ASRGL1: variants seen among roughly 807,000 people sequenced by gnomAD.
ASRGL1 encodes asparaginase and isoaspartyl peptidase 1.
A neutral mutation model predicts 22.4 loss-of-function variants in ASRGL1; 16 were observed. That is an observed-to-expected ratio of 0.71 (90% CI 0.48 to 1.08). ASRGL1 has a LOEUF of 1.08. Ranked by LOEUF, ASRGL1 falls within the 50% of genes least tolerant of loss-of-function variation. The probability of loss-of-function intolerance (pLI) is 0.00; values close to 1 mark genes in which losing one functional copy is unlikely to be tolerated. For missense variants in ASRGL1, 412 were observed against 410.1 expected (o/e 1.00, Z -0.04); for synonymous variants, 165 against 159.3 (o/e 1.04, Z -0.27).
intron 4 of ASRGL1, among the ~76,000 whole-genome samples, chr11:62,378,299 T>C (rs958798089): frequency 2.0e-5 from 3 of 152,204 alleles, no homozygotes; most frequent in Non-Finnish European, 4.4e-5. Context: ...TGCAGAAATG[T>C]ATAACAGTTA....
In ASRGL1 at chr11:62,346,727, T is replaced by G. The variant is rs1191018501; in HGVS notation, c.190+8560T>G. Among the ~76,000 whole-genome samples the G allele has an allele frequency of 3.3e-5, 5 of 152,170 alleles. No individual in the cohort carries two copies. In the East Asian group the frequency reaches 9.6e-4, roughly 29 times the overall value. On this transcript the variant is annotated intron_variant, in intron 2 of 6. Coordinates refer to ENST00000415229, the MANE Select transcript of ASRGL1 (RefSeq NM_001083926.2). ...ACTCACACCTGTAATCCCAGCACTT[T>G]GGGAGGCCGAGGCAGGCAGATCACC...
downstream of ASRGL1, among the ~76,000 whole-genome samples, chr11:62,393,998 G>A (rs1947396703): frequency 7.0e-6 from 1 of 143,738 alleles, no homozygotes; most frequent in African/African-American, 2.6e-5. Flanking sequence ...CACCATATTA[G>A]ATATAATTTA....
At chr11:62,356,502 T>G (rs1565158371) in intron 3 of ASRGL1, 35 bp downstream of exon 3, 1 of 1,606,204 alleles carries the variant, frequency 6.2e-7, no homozygotes. Context: ...TCCTAATGAA[T>G]TGTTATTGTT....
intron 2 of ASRGL1, among the ~76,000 whole-genome samples, chr11:62,339,029 G>C (rs1945803039): frequency 6.6e-6 from 1 of 151,880 alleles, no homozygotes; most frequent in Non-Finnish European, 1.5e-5. Flanking sequence ...GAAGTCTCCA[G>C]GTAGCAGTCT....
intron 4 of ASRGL1, among the ~76,000 whole-genome samples, chr11:62,362,561 T>TA (rs1491558196): frequency 0.57 from 14,494 of 25,386 alleles, 4,239 homozygotes; most frequent in Non-Finnish European, 0.6. Context: ...ACATATATTA[T>TA]TTATATAATA....
chr11:62,373,799 G>A (rs890585460), intron 4 of ASRGL1, among the ~76,000 whole-genome samples: 1 of 152,234 alleles, frequency 6.6e-6, no homozygotes, highest in Admixed American at 6.5e-5. Context: ...TGTCCCCCCT[G>A]GTGGGGGATT....
chr11:62,360,984 A>G (rs879330898), intron 4 of ASRGL1, among the ~76,000 whole-genome samples: 4 of 152,206 alleles, frequency 2.6e-5, no homozygotes, highest in Non-Finnish European at 5.9e-5. Flanking sequence ...TGTGCAAAAA[A>G]CAATGGAAAT....
rs1032838207 is a variant in ASRGL1, at chr11:62,392,640, G to A, written c.*356G>A. 3.4e-6 allele frequency: 1 copy of A among 297,210 alleles called. No homozygotes were observed. Among genetic ancestry groups the A allele is most frequent in the Non-Finnish European group, 6.5e-6 (1 of 154,622 alleles). The allele number at this position is 297,210 out of a possible 1,614,324, so 18.4% of individuals were successfully genotyped here. A position where few individuals can be genotyped will look rare whatever the true frequency, so the allele number is the denominator to read the frequency against. The stretch of plus-strand genomic sequence containing the variant: ...CATGATCCTGACATGACAGATGTGG[G>A]AGACCCACAGCCTGCAGACACTGTG... On this transcript the variant is annotated 3_prime_UTR_variant, in exon 7 of 7. Coordinates refer to ENST00000415229, the MANE Select transcript of ASRGL1 (RefSeq NM_001083926.2).
intron 2 of ASRGL1, among the ~76,000 whole-genome samples, chr11:62,351,628 C>T (rs1027565913): frequency 1.2e-4 from 17 of 146,084 alleles, no homozygotes; most frequent in African/African-American, 2.8e-4. Flanking sequence ...CCAGCCTAGG[C>T]GACAAGGGTG....
rs142016448 is a variant in ASRGL1, at chr11:62,338,139, C to T, written c.162C>T (p.Ala54=). 2.9e-4 allele frequency: 454 copies of T among 1,588,146 alleles called. 4 individuals carry two copies. In the East Asian group the frequency reaches 9.4e-3, roughly 33 times the overall value. ...ATGCCGTAGAGGGAGCTGTCGTCGC[C>T]CTGGAAGACGATCCCGAGTTCAACG... ...AVDAVEGAVV[A]LEDDPEFNAG... is the part of the protein sequence containing the mutation. The change falls in exon 2 of 7, where the codon GCC becomes GCT. Residue 54 remains alanine (A), a synonymous_variant. Coordinates refer to ENST00000415229, the MANE Select transcript of ASRGL1 (RefSeq NM_001083926.2).
intron 4 of ASRGL1, among the ~76,000 whole-genome samples, chr11:62,369,178 G>A (rs986205992): frequency 1.3e-5 from 2 of 152,116 alleles, no homozygotes; most frequent in Non-Finnish European, 2.9e-5. Flanking sequence ...TTGTGTCCCT[G>A]GGTAGTTGAG....
At chr11:62,349,158 G>A (rs565277168) in intron 2 of ASRGL1, among the ~76,000 whole-genome samples, 2 of 152,106 alleles carry the variant, frequency 1.3e-5, no homozygotes, top group East Asian at 1.9e-4. Flanking sequence ...TAGTAGAGAC[G>A]GGGTTTCACC....
intron 4 of ASRGL1, among the ~76,000 whole-genome samples, chr11:62,374,069 C>T (rs1481839123): frequency 2.0e-5 from 3 of 152,320 alleles, no homozygotes; most frequent in East Asian, 1.9e-4. Flanking sequence ...GTACCAGCCT[C>T]GATCGCCTTG....
At chr11:62,347,329 T>A (rs2134582609) in intron 2 of ASRGL1, among the ~76,000 whole-genome samples, 1 of 152,326 alleles carries the variant, frequency 6.6e-6, no homozygotes, top group East Asian at 1.9e-4. Flanking sequence ...ATTAAATCGT[T>A]GGCCATTGGT....
chr11:62,342,751 C>CT (rs1272360644), intron 2 of ASRGL1, among the ~76,000 whole-genome samples: 3 of 151,252 alleles, frequency 2.0e-5, no homozygotes, highest in African/African-American at 4.9e-5. Flanking sequence ...AAGAGAGACT[C>CT]TGTCTCCAAA....
At chr11:62,394,962 G>A (rs1947414298), downstream of ASRGL1, among the ~76,000 whole-genome samples, 1 of 152,064 alleles carries the variant, frequency 6.6e-6, no homozygotes, top group Non-Finnish European at 1.5e-5. Context: ...CATCTGAAAG[G>A]GGAAGACAAT....
chr11:62,397,081 G>A (rs1476829820), downstream of ASRGL1, among the ~76,000 whole-genome samples: 2 of 152,164 alleles, frequency 1.3e-5, no homozygotes, highest in Non-Finnish European at 2.9e-5. Flanking sequence ...CCAGGCTGGA[G>A]TGCAGTGGCG....
chr11:62,399,951 G>T, the ASRGL1 span, among the ~76,000 whole-genome samples: 1 of 152,312 alleles, frequency 6.6e-6, no homozygotes, highest in Non-Finnish European at 1.5e-5. Flanking sequence ...GAAGACCCAA[G>T]AATAAGGAAA....
At chr11:62,341,816 C>T (rs1945870109) in intron 2 of ASRGL1, among the ~76,000 whole-genome samples, 1 of 152,206 alleles carries the variant, frequency 6.6e-6, no homozygotes, top group Non-Finnish European at 1.5e-5. Context: ...TACTCTCCCA[C>T]ATCCCTTTGA....
Sources: allele counts gnomAD v4.1 joint callset (sites outside exome capture counted in the v4.1 genomes callset), GRCh38; gene constraint gnomAD v4.1.1; transcripts MANE v1.5; gene names NCBI Gene and HGNC (gene_info 2026-07-23, HGNC 2026-07-21).